AGMO: variants seen among roughly 807,000 people sequenced by gnomAD.
AGMO encodes the protein glyceryl-ether monooxygenase.
A neutral mutation model predicts 60.2 loss-of-function variants in AGMO; 75 were observed. The ratio of observed to expected loss-of-function variants is 1.25; its 90% CI spans 1.03 to 1.51. The LOEUF (loss-of-function observed/expected upper bound fraction) is 1.51. AGMO is among the 40% of genes most tolerant of loss of function. The pLI is 0.00. For missense variants in AGMO, 763 were observed against 525.5 expected (o/e 1.45, Z -4.42); for synonymous variants, 261 against 177.1 (o/e 1.47, Z -3.76).
At chr7:15,529,004 G>C (rs752616390) in intron 3 of AGMO, among the ~76,000 whole-genome samples, 24 of 152,000 alleles carry the variant, frequency 1.6e-4, no homozygotes, top group Non-Finnish European at 3.2e-4. Flanking sequence ...TAAGAAAGTG[G>C]GGTTATGGCA....
intron 2 of AGMO, among the ~76,000 whole-genome samples, chr7:15,555,698 G>A (rs1785114189): frequency 6.6e-6 from 1 of 151,892 alleles, no homozygotes. Context: ...TACTTTGCAG[G>A]AAATGTATTA....
chr7:15,338,693 T>C (rs1321887542), intron 12 of AGMO, among the ~76,000 whole-genome samples: 1 of 152,182 alleles, frequency 6.6e-6, no homozygotes, highest in Non-Finnish European at 1.5e-5. Flanking sequence ...TATATACAGC[T>C]AGTTGAATTT....
chr7:15,264,842 A>G (rs1001115775), intron 12 of AGMO, among the ~76,000 whole-genome samples: 1 of 152,126 alleles, frequency 6.6e-6, no homozygotes, highest in African/African-American at 2.4e-5. Context: ...GGGAACATAA[A>G]TTAGTTCAGT....
At chr7:15,240,298 G>A (rs1400464259) in intron 12 of AGMO, among the ~76,000 whole-genome samples, 1 of 152,110 alleles carries the variant, frequency 6.6e-6, no homozygotes, top group Non-Finnish European at 1.5e-5. Context: ...TGCAATATTA[G>A]AACGTATACT....
At chr7:15,333,243 A>G (rs994115666) in intron 12 of AGMO, among the ~76,000 whole-genome samples, 11 of 152,176 alleles carry the variant, frequency 7.2e-5, no homozygotes, top group African/African-American at 2.7e-4. Flanking sequence ...CAAAATACAC[A>G]CTGAAATTCT....
intron 10 of AGMO, among the ~76,000 whole-genome samples, chr7:15,375,521 A>G (rs1242242985): frequency 5.3e-5 from 8 of 150,060 alleles, no homozygotes; most frequent in Non-Finnish European, 8.9e-5. Flanking sequence ...CTCAGCCTCC[A>G]GAGTAGCTGG....
intron 12 of AGMO, among the ~76,000 whole-genome samples, chr7:15,223,329 C>A (rs1444148782): frequency 1.3e-5 from 2 of 151,802 alleles, no homozygotes; most frequent in Non-Finnish European, 1.5e-5. Context: ...CTAGCAGGTA[C>A]AATTTTTGAT....
chr7:15,223,699 A>G (rs754428164), intron 12 of AGMO, among the ~76,000 whole-genome samples: 3 of 152,010 alleles, frequency 2.0e-5, no homozygotes, highest in Non-Finnish European at 4.4e-5. Context: ...TAGCACCTAG[A>G]CAATGCATAG....
chr7:15,557,563 G>A (rs1243676359), intron 2 of AGMO, among the ~76,000 whole-genome samples: 3 of 151,094 alleles, frequency 2.0e-5, no homozygotes, highest in East Asian at 3.9e-4. Context: ...CCACAGGCTC[G>A]CTTTTCCTTT....
At chr7:15,344,979 A>T (rs988524117) in intron 12 of AGMO, among the ~76,000 whole-genome samples, 21 of 152,270 alleles carry the variant, frequency 1.4e-4, no homozygotes, top group African/African-American at 4.6e-4. Flanking sequence ...TTCTGGTTCT[A>T]TGGCTCTATC....
chr7:15,187,653 G>T, the AGMO span, among the ~76,000 whole-genome samples: 1 of 152,122 alleles, frequency 6.6e-6, no homozygotes, highest in Non-Finnish European at 1.5e-5. Context: ...ATATGTGTAT[G>T]TGTGAGTGTG....
At chr7:15,389,567 A>T (rs1212999444) in intron 8 of AGMO, among the ~76,000 whole-genome samples, 1 of 152,196 alleles carries the variant, frequency 6.6e-6, no homozygotes, top group Non-Finnish European at 1.5e-5. Flanking sequence ...AGGAGATAAA[A>T]ATGCCTTTCA....
At position 15,222,676 on chromosome 7, in the gene AGMO, A is replaced by C. The variant is rs371866237; in HGVS notation, c.1264-21317T>G. Among the ~76,000 whole-genome samples the C allele has an allele frequency of 2.3e-3, 356 of 152,174 alleles. 18 individuals carry two copies. The South Asian group carries it at 0.072, about 31-fold the overall frequency. On this transcript the variant is annotated intron_variant, in intron 12 of 12. Transcript: ENST00000342526. Reference sequence around the variant, plus strand: ...AATGAACATTTTCAAACTTACAGAAAAATGGAAAGTTTGGCACTACAAATA... The same window carrying C: ...AATGAACATTTTCAAACTTACAGAACAATGGAAAGTTTGGCACTACAAATA...
intron 12 of AGMO, among the ~76,000 whole-genome samples, chr7:15,235,816 T>C (rs767453210): frequency 1.3e-5 from 2 of 152,148 alleles, no homozygotes; most frequent in African/African-American, 2.4e-5. Context: ...ATTCAAAACA[T>C]TACTTTTATG....
At chr7:15,351,401 C>A (rs1014909200) in intron 12 of AGMO, among the ~76,000 whole-genome samples, 2 of 152,158 alleles carry the variant, frequency 1.3e-5, no homozygotes, top group East Asian at 1.9e-4. Context: ...GGAAGCTAAA[C>A]CCCTATATTT....
At chr7:15,470,729 T>G (rs1353867495) in intron 3 of AGMO, among the ~76,000 whole-genome samples, 1 of 151,924 alleles carries the variant, frequency 6.6e-6, no homozygotes, top group Non-Finnish European at 1.5e-5. Context: ...TAAACATTAC[T>G]TTTTGTTACT....
Position 15,228,781 on chromosome 7 carries a change from G to C in AGMO, c.1264-27422C>G, listed in dbSNP as rs187295568. The stretch of plus-strand genomic sequence containing the variant: ...TGATTTGTTTTGATAGATTCAGCCA[G>C]GTGCATTATCTGTAGGCATTCTCAT... On this transcript the variant is annotated intron_variant, in intron 12 of 12. Transcript: ENST00000342526. Among the ~76,000 whole-genome samples, 5 of 152,094 alleles carry C rather than the reference G, an allele frequency of 3.3e-5. No individual in the cohort carries two copies. The South Asian group carries it at 1.0e-3, about 32-fold the overall frequency.
intron 12 of AGMO, among the ~76,000 whole-genome samples, chr7:15,220,934 GTGA>G (rs1187288841): frequency 2.6e-5 from 4 of 152,106 alleles, no homozygotes; most frequent in African/African-American, 9.7e-5. Context: ...GCTATTTTCT[GTGA>G]TGATATTCGT....
At chr7:15,398,139 G>C (rs1784460912) in intron 5 of AGMO, among the ~76,000 whole-genome samples, 1 of 152,146 alleles carries the variant, frequency 6.6e-6, no homozygotes, top group African/African-American at 2.4e-5. Context: ...AATGTGGGTG[G>C]AGAGGACTAC....
Sources: allele counts gnomAD v4.1 joint callset (sites outside exome capture counted in the v4.1 genomes callset), GRCh38; gene constraint gnomAD v4.1.1; transcripts MANE v1.5; gene names NCBI Gene and HGNC (gene_info 2026-07-23, HGNC 2026-07-21).